Variants in ADAMTSL5 observed in about 807,000 individuals in gnomAD.
The protein encoded by ADAMTSL5 is ADAMTS like 5, also known as ADAMTS-like protein 5.
In ADAMTSL5, 53 loss-of-function variants were observed where a neutral mutation model predicts 51.7. That is an observed-to-expected ratio of 1.03 (90% CI 0.82 to 1.29). ADAMTSL5 has a LOEUF of 1.29. Ranked by LOEUF, ADAMTSL5 falls within the 50% of genes most tolerant of loss-of-function variation. The probability of loss-of-function intolerance (pLI) is 0.00; values close to 1 mark genes in which losing one functional copy is unlikely to be tolerated. For missense variants in ADAMTSL5, 770 were observed against 676.2 expected, an observed-to-expected ratio of 1.14 and a Z score of -1.54; for synonymous variants, 285 against 278.7, an observed-to-expected ratio of 1.02 and a Z score of -0.23.
intron 7 of ADAMTSL5, 56 bp from the exon 8 acceptor site, chr19:1,507,699 G>T: frequency 1.9e-6 from 3 of 1,541,310 alleles, no homozygotes; most frequent in South Asian, 2.2e-5. Context: ...TTTGAGCGAT[G>T]ACTTGAGGAT....
Position 1,510,420 on chromosome 19 carries a change from C to T in ADAMTSL5, c.200G>A (p.Gly67Glu). 6.2e-7 allele frequency: 1 copy of T among 1,611,222 alleles called. No homozygotes were observed. The highest frequency in any genetic ancestry group is 8.5e-7 in the Non-Finnish European group (1 of 1,179,506). ...GGAGTCTCCCCAGCACGGTTCTTCC[C>T]CAGGAAGCCTGAAGGGAGACAGAGT... Reference protein sequence around the residue: ...VRSRRCLRLPGEEPCWGDSHE... With the variant: ...VRSRRCLRLPEEEPCWGDSHE... The change falls in exon 4 of 12, where the codon GGG becomes GAG. Residue 67 changes from glycine to glutamate, a missense_variant. Physicochemically the swap from Gly to Glu is moderately conservative, Grantham distance 98. Transcript: ENST00000330475.
rs898145454 is a variant in ADAMTSL5 at position 1,506,804 on chromosome 19, C to T, written c.977G>A (p.Gly326Glu). Residue 326 changes from glycine to glutamate, a missense_variant, in exon 10 of 12, where the codon GGG becomes GAG. Physicochemically the swap from Gly to Glu is moderately conservative, Grantham distance 98. Coordinates refer to ENST00000330475, the MANE Select transcript of ADAMTSL5 (RefSeq NM_213604.3). This position sits in a 1 kb window ranked among gnomAD's most constrained non-coding sequence, Gnocchi z 5.6. ...GGCTGCGGGGGGCTGAGGCTCCACC[C>T]CCCGGGGCTGAGGCTGCCTCAGGGG... ...GWPLRQPQPR[G>E]VEPQPPAAPA... 6.5e-7 allele frequency: 1 copy of T among 1,541,588 alleles called. No homozygotes were observed. The highest frequency in any genetic ancestry group is 8.7e-7 in the Non-Finnish European group (1 of 1,144,370).
chr19:1,510,474 C>T (rs1342304259), intron 3 of ADAMTSL5, 46 bp from the exon 4 acceptor site: 1 of 1,559,276 alleles, frequency 6.4e-7, no homozygotes, highest in Admixed American at 1.9e-5. Flanking sequence ...GACCCCCTCC[C>T]AGGGCTGGCC....
intron 5 of ADAMTSL5, among the ~76,000 whole-genome samples, chr19:1,509,254 CAAAAAAAAAA>C (rs753778097): frequency 6.1e-5 from 3 of 49,550 alleles, no homozygotes; most frequent in Admixed American, 2.9e-4. Flanking sequence ...GACTCCATCT[CAAAAAAAAAA>C]AAAAAAAAAA....
In ADAMTSL5 at chr19:1,510,622, C is replaced by T. The variant is rs1913211842; in HGVS notation, c.191+17G>A. On this transcript the variant is annotated intron_variant, in intron 3 of 11. Transcript: ENST00000330475. ...GCGGGGGAGGAGGGGCAGGGACCCC[C>T]TCCGGGCCCCGCTCACCGGAGGCAG... The T allele has an allele frequency of 6.6e-7, 1 of 1,526,508 alleles. No homozygotes were observed. Among genetic ancestry groups the T allele is most frequent in the African/African-American group, 1.4e-5 (1 of 71,912 alleles). 94.6% of individuals were successfully genotyped at this position (1,526,508 alleles called of 1,614,324 possible).
In ADAMTSL5 at chr19:1,506,997, G is replaced by A. The variant is rs1401909140; in HGVS notation, c.853-69C>T. 7 of 1,450,514 alleles carry A rather than the reference G, an allele frequency of 4.8e-6. No individual in the cohort carries two copies. The highest frequency in any genetic ancestry group is 1.4e-5 in the African/African-American group (1 of 69,104). 89.9% of individuals were successfully genotyped at this position (1,450,514 alleles called of 1,614,324 possible). On this transcript the variant is annotated intron_variant, in intron 9 of 11. Coordinates refer to ENST00000330475, the MANE Select transcript of ADAMTSL5 (RefSeq NM_213604.3). The surrounding 1 kb of genome is among the most constrained non-coding windows in gnomAD (Gnocchi z 5.6). Reference sequence around the variant, plus strand: ...GGTTGCCTCCTGCCTCTGACCCTACGACCCCAGCCTCCCCACTTTGATCCT... The same window carrying A: ...GGTTGCCTCCTGCCTCTGACCCTACAACCCCAGCCTCCCCACTTTGATCCT...
chr19:1,506,827 G>A lies in ADAMTSL5; in HGVS notation c.954C>T (p.Pro318=), dbSNP rs1319105117. 1.2e-5 allele frequency: 19 copies of A among 1,537,898 alleles called. No individual in the cohort carries two copies. Among genetic ancestry groups the A allele is most frequent in the Non-Finnish European group, 1.5e-5 (17 of 1,143,442 alleles). Residue 318 remains proline, a synonymous_variant, in exon 10 of 12, where the codon CCC becomes CCT. Coordinates refer to ENST00000330475, the MANE Select transcript of ADAMTSL5 (RefSeq NM_213604.3). This position sits in a 1 kb window ranked among gnomAD's most constrained non-coding sequence, Gnocchi z 5.6. ...CCCCCCGGGGCTGAGGCTGCCTCAG[G>A]GGCCAGCCCAGGGCCTGCACACGAG... ...FQARVQALGW[P]LRQPQPRGVE...
Position 1,506,820 on chromosome 19 carries a change from G to A in ADAMTSL5, c.961C>T (p.Gln321Ter). 6.5e-7 allele frequency: 1 copy of A among 1,540,572 alleles called. No homozygotes were observed. The highest frequency in any genetic ancestry group is 8.7e-7 in the Non-Finnish European group (1 of 1,143,916). ...RVQALGWPLR[Q>*]PQPRGVEPQP... ...GGCTCCACCCCCCGGGGCTGAGGCT[G>A]CCTCAGGGGCCAGCCCAGGGCCTGC... is the stretch of plus-strand genomic sequence containing the variant. The change falls in exon 10 of 12, where the codon CAG (glutamine) becomes TAG (stop). Residue 321 changes from glutamine to a stop codon, truncating the protein, a stop_gained. Coordinates refer to ENST00000330475, the MANE Select transcript of ADAMTSL5 (RefSeq NM_213604.3). LOFTEE classifies it high-confidence loss of function. This position sits in a 1 kb window ranked among gnomAD's most constrained non-coding sequence, Gnocchi z 5.6.
In ADAMTSL5 at chr19:1,506,047, T is replaced by C. The variant is rs1912900413; in HGVS notation, c.1384A>G (p.Ile462Val). ...RPWSPAEDSR[I>V]RLTARRCPG ...GGACAGCGCCGGGCAGTCAGGCGTA[T>C]GCGGCTGTCCTCCGCAGGGCTCCAG... is the stretch of plus-strand genomic sequence containing the variant. The change falls in exon 12 of 12, where the codon ATA becomes GTA. Residue 462 changes from isoleucine to valine, a missense_variant. Physicochemically the swap from Ile to Val is conservative, Grantham distance 29. Transcript: ENST00000330475. The surrounding 1 kb of genome is among the most constrained non-coding windows in gnomAD (Gnocchi z 5.6). 7 of 1,588,254 alleles carry C rather than the reference T, an allele frequency of 4.4e-6. No homozygotes were observed. The African/African-American group carries it at 8.0e-5, about 18-fold the overall frequency.
chr19:1,505,959 T>G lies in ADAMTSL5; in HGVS notation c.*56A>C. The stretch of plus-strand genomic sequence containing the variant: ...GGTGAGAGGGGAAATACGTTGACGT[T>G]GAGGCTGGTCAGATGTATCTTTCTT... On this transcript the variant is annotated 3_prime_UTR_variant, in exon 12 of 12. Coordinates refer to ENST00000330475, the MANE Select transcript of ADAMTSL5 (RefSeq NM_213604.3). The G allele has an allele frequency of 6.9e-7, 1 of 1,455,776 alleles. No individual in the cohort carries two copies. The highest frequency in any genetic ancestry group is 9.0e-7 in the Non-Finnish European group (1 of 1,108,426). The allele number at this position is 1,455,776 out of a possible 1,614,324, so 90.2% of individuals were successfully genotyped here.
In ADAMTSL5 at chr19:1,508,050, G is replaced by T; in HGVS notation, c.549C>A (p.Cys183Ter). The T allele has an allele frequency of 2.5e-6, 4 of 1,610,040 alleles. No individual in the cohort carries two copies. Among genetic ancestry groups the T allele is most frequent in the Non-Finnish European group, 3.4e-6 (4 of 1,178,940 alleles). ...SGALEDRCGRCGGANDSCLFV... is the reference protein window; with the variant it reads ...SGALEDRCGR ...AAAGGCACGAGTCGTTGGCGCCTCC[G>T]CAGCGGCCACAGCGGTCCTCGAGGG... Residue 183 changes from cysteine to a stop codon, truncating the protein, a stop_gained, in exon 7 of 12, where the codon TGC becomes TGA. Coordinates refer to ENST00000330475, the MANE Select transcript of ADAMTSL5 (RefSeq NM_213604.3). LOFTEE classifies it high-confidence loss of function.
chr19:1,507,078 C>T (rs902665267), intron 9 of ADAMTSL5, 150 bp from the exon 10 acceptor site: 1 of 1,246,230 alleles, frequency 8.0e-7, no homozygotes, highest in Non-Finnish European at 1.1e-6. Context: ...CCCCTCTGAC[C>T]CTGTCCCCAC....
chr19:1,507,584 C>T lies in ADAMTSL5; in HGVS notation c.661G>A (p.Val221Met), dbSNP rs771314349. 6.2e-6 allele frequency: 10 copies of T among 1,613,368 alleles called. No homozygotes were observed. The highest frequency in any genetic ancestry group is 5.9e-6 in the Non-Finnish European group (7 of 1,180,012). Reference protein sequence around the residue: ...LIPEGARHIRVEHRSRNHLAL... With the variant: ...LIPEGARHIRMEHRSRNHLAL... ...AGGTGGTTGCGGCTCCTGTGTTCCA[C>T]GCGGATGTGTCTGGCGCCCTCGGGG... Residue 221 changes from valine (V) to methionine (M), a missense_variant, in exon 8 of 12, where the codon GTG (valine) becomes ATG (methionine). Coordinates refer to ENST00000330475, the MANE Select transcript of ADAMTSL5 (RefSeq NM_213604.3).
intron 4 of ADAMTSL5, 42 bp downstream of exon 4, chr19:1,510,326 G>A (rs770187913): frequency 1.9e-6 from 3 of 1,613,510 alleles, no homozygotes; most frequent in Non-Finnish European, 2.5e-6. Context: ...GCTTCAGGCA[G>A]TCTGGGGTGG....
intron 6 of ADAMTSL5, 31 bp downstream of exon 6, chr19:1,508,412 G>A (rs1913076902): frequency 6.7e-7 from 1 of 1,498,646 alleles, no homozygotes; most frequent in Non-Finnish European, 8.9e-7. Flanking sequence ...GGAGGTGGGC[G>A]GGGCTCGGGC....
intron 1 of ADAMTSL5, among the ~76,000 whole-genome samples, chr19:1,512,172 C>T (rs544655493): frequency 1.4e-4 from 21 of 152,196 alleles, no homozygotes; most frequent in Admixed American, 2.0e-4. Context: ...GGGTGAGCCC[C>T]GGCCCGGGCA....
intron 7 of ADAMTSL5, 56 bp downstream of exon 7, chr19:1,507,942 G>A (rs1432869450): frequency 3.3e-6 from 5 of 1,516,408 alleles, no homozygotes; most frequent in Non-Finnish European, 4.5e-6. Context: ...CCGGGCCACG[G>A]CTCGTTAAAG....
intron 5 of ADAMTSL5, chr19:1,508,823 G>T: frequency 4.6e-6 from 2 of 434,268 alleles, no homozygotes; most frequent in Non-Finnish European, 8.1e-6. Context: ...TATATTAGGA[G>T]TCCTTACATA....
Position 1,507,539 on chromosome 19 carries a change from C to T in ADAMTSL5, c.688+18G>A. The T allele has an allele frequency of 6.2e-7, 1 of 1,613,078 alleles. No homozygotes were observed. Among genetic ancestry groups the T allele is most frequent in the Non-Finnish European group, 8.5e-7 (1 of 1,179,796 alleles). On this transcript the variant is annotated intron_variant, in intron 8 of 11. Coordinates refer to ENST00000330475, the MANE Select transcript of ADAMTSL5 (RefSeq NM_213604.3). ...CGGGTGCCCAGCCGGGTGCCTCTCG[C>T]CTCACATCCTAGGATACCCAGGTGG...
Sources: gnomAD v4.1 joint callset for allele counts (sites outside exome capture counted in the v4.1 genomes callset) on GRCh38, gnomAD v4.1.1 for gene constraint, Gnocchi (gnomAD v3.1) non-coding constraint, MANE v1.5 for transcripts, NCBI Gene and HGNC (gene_info 2026-07-23, HGNC 2026-07-21) for gene names.